PVT1: variants seen among roughly 807,000 people sequenced by gnomAD.
PVT1 encodes the protein CXCR4/PVT1 fusion.
intron 3 of PVT1, among the ~76,000 whole-genome samples, chr8:127,941,787 G>A (rs897177266): frequency 6.6e-6 from 1 of 152,194 alleles, no homozygotes; most frequent in African/African-American, 2.4e-5. Context: ...CTCCTGCTCT[G>A]GTGCCAGTGT....
At chr8:128,024,098 C>T (rs1817467216) in intron 4 of PVT1, among the ~76,000 whole-genome samples, 1 of 152,314 alleles carries the variant, frequency 6.6e-6, no homozygotes, top group Non-Finnish European at 1.5e-5. Flanking sequence ...AAAGGACAGC[C>T]TCTTACACCC....
intron 4 of PVT1, among the ~76,000 whole-genome samples, chr8:128,038,511 C>G (rs1377405325): frequency 1.3e-5 from 2 of 152,294 alleles, no homozygotes; most frequent in African/African-American, 4.8e-5. Context: ...GGAGGTGCGG[C>G]ACGTGAATGG....
At chr8:127,832,790 G>A (rs528641569) in intron 2 of PVT1, among the ~76,000 whole-genome samples, 12 of 152,198 alleles carry the variant, frequency 7.9e-5, no homozygotes, top group Admixed American at 2.6e-4. Flanking sequence ...CCCGGGAGGC[G>A]GAGCTTGCAG....
intron 3 of PVT1, among the ~76,000 whole-genome samples, chr8:127,954,554 A>G (rs906539299): frequency 5.9e-5 from 9 of 152,014 alleles, no homozygotes; most frequent in East Asian, 1.9e-4. Flanking sequence ...CGGCCTCCCA[A>G]CGTGCTGGGA....
intron 5 of PVT1, among the ~76,000 whole-genome samples, chr8:128,089,717 C>A (rs77268236): frequency 0.02 from 3,106 of 152,250 alleles, 100 homozygotes; most frequent in African/African-American, 0.07. Context: ...GAAAATCATT[C>A]TTTCTTTGTT....
chr8:127,979,893 T>C (rs1586465033), intron 3 of PVT1, among the ~76,000 whole-genome samples: 1 of 144,360 alleles, frequency 6.9e-6, no homozygotes, highest in Non-Finnish European at 1.6e-5. Flanking sequence ...GGTGGTTTGT[T>C]TTCAGTGAAA....
chr8:127,980,362 T>C (rs1274674107), intron 3 of PVT1, among the ~76,000 whole-genome samples: 1 of 152,214 alleles, frequency 6.6e-6, no homozygotes, highest in African/African-American at 2.4e-5. Flanking sequence ...ACGGAGGTTA[T>C]AGTCTAGGGG....
At chr8:127,873,778 A>T (rs1815376961) in intron 2 of PVT1, among the ~76,000 whole-genome samples, 1 of 152,190 alleles carries the variant, frequency 6.6e-6, no homozygotes, top group Admixed American at 6.5e-5. Context: ...CCATTTCTCC[A>T]CTTTGCTGCC....
chr8:127,987,212 G>T (rs1255729457), intron 3 of PVT1, among the ~76,000 whole-genome samples: 1 of 152,168 alleles, frequency 6.6e-6, no homozygotes, highest in Non-Finnish European at 1.5e-5. Context: ...GGATTTCCCT[G>T]GTAGTTTACA....
chr8:127,822,254 C>T (rs185739034), intron 2 of PVT1, among the ~76,000 whole-genome samples: 7 of 152,312 alleles, frequency 4.6e-5, no homozygotes, highest in Admixed American at 3.3e-4. Flanking sequence ...CTCAGTCTGT[C>T]TGTGGCAAAC....
At chr8:128,025,694 A>G (rs1817484898) in intron 4 of PVT1, among the ~76,000 whole-genome samples, 2 of 152,230 alleles carry the variant, frequency 1.3e-5, no homozygotes, top group Admixed American at 6.5e-5. Context: ...GTTTCTTACA[A>G]GAGGATCTGC....
At chr8:128,008,222 G>T (rs1003526859) in intron 4 of PVT1, among the ~76,000 whole-genome samples, 1 of 152,186 alleles carries the variant, frequency 6.6e-6, no homozygotes, top group Non-Finnish European at 1.5e-5. Flanking sequence ...GGCTTTTGTA[G>T]TTACTGTGAA....
At chr8:127,796,671 T>C (rs1814400143) in intron 2 of PVT1, among the ~76,000 whole-genome samples, 1 of 152,034 alleles carries the variant, frequency 6.6e-6, no homozygotes, top group Non-Finnish European at 1.5e-5. Context: ...TTGGGCAGAG[T>C]ATTGGCAGAA....
chr8:128,042,016 G>A (rs1472482566), intron 4 of PVT1, among the ~76,000 whole-genome samples: 1 of 152,174 alleles, frequency 6.6e-6, no homozygotes, highest in East Asian at 1.9e-4. Context: ...GCCATTTTCA[G>A]TTCCCCTAAC....
intron 4 of PVT1, among the ~76,000 whole-genome samples, chr8:128,052,069 TTGGCCAA>T (rs1440747615): frequency 1.3e-5 from 2 of 152,202 alleles, no homozygotes; most frequent in Non-Finnish European, 2.9e-5. Context: ...CCAATTAGCT[TTGGCCAA>T]GAAAGCTGTT....
chr8:128,088,806 C>T (rs952215874), intron 5 of PVT1, among the ~76,000 whole-genome samples: 1 of 152,204 alleles, frequency 6.6e-6, no homozygotes, highest in Non-Finnish European at 1.5e-5. Flanking sequence ...GCCATGATTA[C>T]CAGATACACC....
chr8:128,047,359 G>C (rs1478371378), intron 4 of PVT1, among the ~76,000 whole-genome samples: 1 of 152,210 alleles, frequency 6.6e-6, no homozygotes, highest in Non-Finnish European at 1.5e-5. Context: ...AGGAGGCAGG[G>C]ATAAGAGGAG....
intron 3 of PVT1, among the ~76,000 whole-genome samples, chr8:127,968,356 G>T (rs1816725544): frequency 6.6e-6 from 1 of 151,560 alleles, no homozygotes; most frequent in South Asian, 2.1e-4. Context: ...TGAGTGTAGA[G>T]TGCTGGCTCA....
chr8:127,815,626 A>C (rs1814651639), intron 2 of PVT1, among the ~76,000 whole-genome samples: 1 of 152,192 alleles, frequency 6.6e-6, no homozygotes, highest in Non-Finnish European at 1.5e-5. Flanking sequence ...GCATGGCAGA[A>C]ATTCATCAGG....
Sources: gnomAD v4.1 joint callset for allele counts (sites outside exome capture counted in the v4.1 genomes callset) on GRCh38, gnomAD v4.1.1 for gene constraint, MANE v1.5 for transcripts, NCBI Gene and HGNC (gene_info 2026-07-23, HGNC 2026-07-21) for gene names.